NME9: variants seen among roughly 807,000 people sequenced by gnomAD.
The protein encoded by NME9 is NME/NM23 family member 9.
In NME9, 48 loss-of-function variants were observed where a neutral mutation model predicts 44.4. The ratio of observed to expected loss-of-function variants is 1.08; its 90% CI spans 0.86 to 1.37. The LOEUF (loss-of-function observed/expected upper bound fraction) is 1.37. Among genes scored for constraint, NME9 ranks in the 40% most tolerant of loss-of-function variants. The pLI is 0.00. For synonymous variants in NME9, 139 were observed against 147.1 expected (o/e 0.94, Z 0.40); for missense variants, 325 against 405.2 (o/e 0.80, Z 1.70).
At chr3:138,294,530 CTT>C (rs2051283869) in intron 8 of NME9, among the ~76,000 whole-genome samples, 2 of 152,176 alleles carry the variant, frequency 1.3e-5, no homozygotes, top group African/African-American at 4.8e-5. Flanking sequence ...TCTTTAGAGT[CTT>C]ATATAATTGC....
chr3:138,302,015 A>G (rs939544584), intron 10 of NME9, among the ~76,000 whole-genome samples: 3 of 152,146 alleles, frequency 2.0e-5, no homozygotes, highest in African/African-American at 7.2e-5. Flanking sequence ...TCCATTTCAC[A>G]GATGAGGAAA....
At chr3:138,313,300 G>A (rs1560111926) in intron 6 of NME9, among the ~76,000 whole-genome samples, 1 of 152,170 alleles carries the variant, frequency 6.6e-6, no homozygotes, top group Non-Finnish European at 1.5e-5. Context: ...GCTGAGGCAC[G>A]AGAATTGCTT....
chr3:138,290,522 A>C (rs1577054197), intron 8 of NME9: 3 of 1,554,400 alleles, frequency 1.9e-6, no homozygotes, highest in Non-Finnish European at 2.6e-6. Flanking sequence ...TCATGTTCCC[A>C]GTAACCTGGC....
chr3:138,311,211 A>C (rs1361018325), intron 6 of NME9, among the ~76,000 whole-genome samples: 1 of 152,208 alleles, frequency 6.6e-6, no homozygotes, highest in African/African-American at 2.4e-5. Context: ...AGAAAACCTC[A>C]ACAAACCAAT....
chr3:138,318,534 A>G (rs1577187360), intron 3 of NME9, among the ~76,000 whole-genome samples: 1 of 151,974 alleles, frequency 6.6e-6, no homozygotes, highest in African/African-American at 2.4e-5. Context: ...GTCCTCAGGC[A>G]CCACCTTCAT....
In NME9 at chr3:138,270,726, A is replaced by G. The variant is rs573352532; in HGVS notation, c.746-8140T>C. Among the ~76,000 whole-genome samples, 26 of 152,312 alleles carry G rather than the reference A, an allele frequency of 1.7e-4. No homozygotes were observed. In the South Asian group the frequency reaches 5.2e-3, roughly 30 times the overall value. The stretch of plus-strand genomic sequence containing the variant: ...TGATTAACTTGTCGAAGGTAATAAA[A>G]TTGGTGCATAAATACTTAATAATTT... On this transcript the variant is annotated intron_variant, in intron 8 of 8. Coordinates refer to the NME9 transcript ENST00000317876.
chr3:138,277,256 A>G (rs1270261384), intron 8 of NME9, among the ~76,000 whole-genome samples: 1 of 152,242 alleles, frequency 6.6e-6, no homozygotes, highest in East Asian at 1.9e-4. Context: ...CACTTGAGAT[A>G]AAAATTTACT....
At chr3:138,283,820 C>A (rs1229472631) in intron 8 of NME9, among the ~76,000 whole-genome samples, 1 of 152,196 alleles carries the variant, frequency 6.6e-6, no homozygotes, top group Admixed American at 6.5e-5. Flanking sequence ...TCACATTAGA[C>A]CAGCCTGGAC....
intron 8 of NME9, chr3:138,284,597 T>A (rs999015081): frequency 7.2e-5 from 82 of 1,133,128 alleles, no homozygotes; most frequent in Non-Finnish European, 1.0e-4. Context: ...CAAAATAAAT[T>A]GTGCAGAGAT....
At chr3:138,264,068 C>A in intron 8 of NME9, 1 of 1,455,238 alleles carries the variant, frequency 6.9e-7, no homozygotes, top group Non-Finnish European at 9.6e-7. Context: ...AAATGCCAGC[C>A]AGTTTGTTTG....
chr3:138,325,974 A>G (rs1181984721), intron 1 of NME9, among the ~76,000 whole-genome samples: 1 of 152,172 alleles, frequency 6.6e-6, no homozygotes, highest in Non-Finnish European at 1.5e-5. Flanking sequence ...TTTATCCCAT[A>G]ATGTCCTGAG....
intron 8 of NME9, among the ~76,000 whole-genome samples, chr3:138,269,817 TTTC>T (rs1428319936): frequency 8.5e-6 from 1 of 117,668 alleles, no homozygotes; most frequent in Non-Finnish European, 1.7e-5. Flanking sequence ...TTTTGTTTTC[TTTC>T]TTTTTTTTTT....
intron 8 of NME9, among the ~76,000 whole-genome samples, chr3:138,265,456 A>G (rs976412435): frequency 6.6e-6 from 1 of 152,154 alleles, no homozygotes; most frequent in East Asian, 1.9e-4. Flanking sequence ...CATACCTGCT[A>G]TGTACTAAGC....
At chr3:138,267,138 C>T in intron 8 of NME9, 2 of 1,390,900 alleles carry the variant, frequency 1.4e-6, no homozygotes, top group South Asian at 2.6e-5. Flanking sequence ...TAGTAGTATC[C>T]TTTTTTAATT....
chr3:138,319,185 A>T (rs2053300208), intron 3 of NME9, among the ~76,000 whole-genome samples: 1 of 152,168 alleles, frequency 6.6e-6, no homozygotes, highest in African/African-American at 2.4e-5. Flanking sequence ...GGGTGACAGG[A>T]AAAAGAAAAA....
intron 2 of NME9, chr3:138,324,286 T>C (rs74334205): frequency 0.054 from 19,024 of 350,696 alleles, 3,296 homozygotes; most frequent in African/African-American, 0.37. Context: ...TCCCGTCTGA[T>C]ACCTTAACTA....
At chr3:138,275,944 CACA>C (rs2049250705) in intron 8 of NME9, among the ~76,000 whole-genome samples, 1 of 151,966 alleles carries the variant, frequency 6.6e-6, no homozygotes, top group South Asian at 2.1e-4. Flanking sequence ...ATTACTGAAA[CACA>C]ACAATGAAGA....
intron 2 of NME9, among the ~76,000 whole-genome samples, chr3:138,323,208 G>C (rs1021175150): frequency 7.9e-5 from 12 of 152,190 alleles, no homozygotes; most frequent in Non-Finnish European, 1.6e-4. Context: ...TTGAGGTCAG[G>C]AGTTTGAGAT....
intron 8 of NME9, among the ~76,000 whole-genome samples, chr3:138,294,010 T>G (rs1385680188): frequency 6.6e-6 from 1 of 152,144 alleles, no homozygotes; most frequent in Non-Finnish European, 1.5e-5. Flanking sequence ...AAAACCATTC[T>G]TCTAAAAAGA....
Sources: allele counts gnomAD v4.1 joint callset (sites outside exome capture counted in the v4.1 genomes callset), GRCh38; gene constraint gnomAD v4.1.1; transcripts MANE v1.5; gene names NCBI Gene and HGNC (gene_info 2026-07-23, HGNC 2026-07-21).